The following MACF1 variants were observed in gnomAD, a reference collection of about 807,000 sequenced individuals.
MACF1 encodes microtubule-actin cross-linking factor 1.
A neutral mutation model predicts 854.8 loss-of-function variants in MACF1; 193 were observed. That is an observed-to-expected ratio of 0.23 (90% confidence interval 0.20 to 0.25). MACF1 has a LOEUF of 0.25. Ranked by LOEUF, MACF1 falls within the 10% of genes least tolerant of loss-of-function variation. The probability of loss-of-function intolerance (pLI) is 1.00; values close to 1 mark genes in which losing one functional copy is unlikely to be tolerated. For synonymous variants in MACF1, 3,185 were observed against 3,226.7 expected, an observed-to-expected ratio of 0.99 and a Z score of 0.44; for missense variants, 7,722 against 8,929.1, an observed-to-expected ratio of 0.86 and a Z score of 5.45.
intron 84 of MACF1, among the ~76,000 whole-genome samples, chr1:39,450,373 A>C (rs1016440606): frequency 4.6e-5 from 7 of 151,902 alleles, no homozygotes; most frequent in Non-Finnish European, 1.0e-4. Flanking sequence ...CACAACTGAT[A>C]CAGAGCTAGG....
At chr1:39,107,121 A>G (rs1361560292) in intron 2 of MACF1, among the ~76,000 whole-genome samples, 1 of 152,106 alleles carries the variant, frequency 6.6e-6, no homozygotes. Context: ...TGCTCTCTTC[A>G]GAGAGAGGAG....
chr1:39,268,786 G>C, intron 6 of MACF1: 4 of 1,289,752 alleles, frequency 3.1e-6, no homozygotes, highest in South Asian at 1.2e-5. Flanking sequence ...AAAAGGGTTC[G>C]GTTCAAAAGG....
intron 2 of MACF1, among the ~76,000 whole-genome samples, chr1:39,087,934 A>G (rs919991878): frequency 4.7e-5 from 7 of 150,128 alleles, no homozygotes; most frequent in African/African-American, 1.7e-4. Flanking sequence ...CACCATGCCC[A>G]GCTAATTTTT....
Position 39,347,110 on chromosome 1 carries a change from A to T in MACF1, c.10715A>T (p.Glu3572Val). ...CGACAGATGCTGAGGCTTCTGAATG[A>T]ACTGCAGAGGTCCTTCCAGGACATT... The part of the protein sequence containing the change: ...QNRQMLRLLN[E>V]LQRSFQDILE... Residue 3572 changes from glutamate to valine, a missense_variant, in exon 41 of 101, where the codon GAA becomes GTA. Glu to Val is a moderately radical substitution (Grantham distance 121). Transcript: ENST00000564288. The T allele has an allele frequency of 6.2e-7, 1 of 1,614,102 alleles. No homozygotes were observed. The highest frequency in any genetic ancestry group is 8.5e-7 in the Non-Finnish European group (1 of 1,179,952).
At chr1:39,132,433 A>G (rs958844340) in intron 2 of MACF1, among the ~76,000 whole-genome samples, 1 of 152,204 alleles carries the variant, frequency 6.6e-6, no homozygotes, top group Non-Finnish European at 1.5e-5. Flanking sequence ...TTCGGTTGGC[A>G]TTAGGCATTG....
Position 39,334,609 on chromosome 1 carries a change from A to G in MACF1, c.8021A>G (p.Lys2674Arg). The G allele has an allele frequency of 6.2e-7, 1 of 1,614,136 alleles. No homozygotes were observed. Residue 2674 changes from lysine (K) to arginine (R), a missense_variant, in exon 37 of 101, where the codon AAA becomes AGA. Transcript: ENST00000564288. ...LTLSQAIQLG[K>R]VDFASTLKVL... The stretch of plus-strand genomic sequence containing the variant: ...TTGTCTCAAGCAATTCAGCTTGGAA[A>G]AGTAGACTTTGCATCTACGCTGAAG...
At chr1:39,274,549 C>T (rs923536993) in intron 6 of MACF1, among the ~76,000 whole-genome samples, 1 of 152,166 alleles carries the variant, frequency 6.6e-6, no homozygotes, top group African/African-American at 2.4e-5. Flanking sequence ...AGGATGTACA[C>T]AGGTTGTATG....
At chr1:39,134,366 A>C (rs1643107051) in intron 2 of MACF1, among the ~76,000 whole-genome samples, 1 of 152,082 alleles carries the variant, frequency 6.6e-6, no homozygotes, top group Admixed American at 6.6e-5. Context: ...TCTTAACAAG[A>C]ATAAGTGGAA....
chr1:39,437,972 C>T lies in MACF1; in HGVS notation c.18184C>T (p.Arg6062Ter), dbSNP rs768150870. The stretch of plus-strand genomic sequence containing the variant: ...GCGCCGTGGAGAGGAGCTTATTGGA[C>T]GATCTCAGGGAGCAGACAAGGATCT... The part of the protein sequence containing the change: ...LKRRGEELIG[R>*]SQGADKDLAA... The change falls in exon 71 of 101, where the codon CGA (arginine) becomes TGA (stop). Residue 6062 changes from arginine to a stop codon, truncating the protein, a stop_gained. Coordinates refer to ENST00000564288, the MANE Select transcript of MACF1 (RefSeq NM_001394062.1). LOFTEE classifies it high-confidence loss of function. 6.2e-7 allele frequency: 1 copy of T among 1,614,044 alleles called. No individual in the cohort carries two copies. Among genetic ancestry groups the T allele is most frequent in the Non-Finnish European group, 8.5e-7 (1 of 1,180,000 alleles).
chr1:39,184,673 G>T (rs1404022415), intron 2 of MACF1, among the ~76,000 whole-genome samples: 1 of 152,078 alleles, frequency 6.6e-6, no homozygotes, highest in Non-Finnish European at 1.5e-5. Flanking sequence ...AGTAAAGTTG[G>T]TTAGGTTATT....
At chr1:39,094,234 C>T (rs1415570167) in intron 2 of MACF1, among the ~76,000 whole-genome samples, 1 of 151,916 alleles carries the variant, frequency 6.6e-6, no homozygotes, top group African/African-American at 2.4e-5. Flanking sequence ...CGCTTGAAGC[C>T]AGGAGTTCGA....
chr1:39,103,352 T>C (rs1225799234), intron 2 of MACF1: 1 of 234,572 alleles, frequency 4.3e-6, no homozygotes, highest in Non-Finnish European at 8.5e-6. Flanking sequence ...GTAATGGACA[T>C]AAGGAGGCAG....
At chr1:39,104,493 G>A (rs940685653) in intron 2 of MACF1, among the ~76,000 whole-genome samples, 1 of 152,050 alleles carries the variant, frequency 6.6e-6, no homozygotes, top group Non-Finnish European at 1.5e-5. Flanking sequence ...TTCCCTAACA[G>A]TCCTGGTTCC....
intron 2 of MACF1, among the ~76,000 whole-genome samples, chr1:39,180,335 G>A (rs1054607193): frequency 6.6e-6 from 1 of 152,070 alleles, no homozygotes; most frequent in African/African-American, 2.4e-5. Context: ...GGAGATATAG[G>A]CCAGGCATGG....
rs780421322 is a variant in MACF1, at chr1:39,331,710, A to G, written c.5122A>G (p.Ile1708Val). ...NLIDPNTAEK[I>V]GLLDLMQRCI... Reference sequence around the variant, plus strand: ...GATAGACCCTAACACAGCTGAGAAAATTGGTTTGCTGGATCTGATGCAGCG... The same window carrying G: ...GATAGACCCTAACACAGCTGAGAAAGTTGGTTTGCTGGATCTGATGCAGCG... Residue 1708 changes from isoleucine (I) to valine (V), a missense_variant, in exon 37 of 101, where the codon ATT (isoleucine) becomes GTT (valine). Physicochemically the swap from Ile to Val is conservative, Grantham distance 29. Coordinates refer to ENST00000564288, the MANE Select transcript of MACF1 (RefSeq NM_001394062.1). 6.2e-6 allele frequency: 10 copies of G among 1,614,096 alleles called. No individual in the cohort carries two copies. In the South Asian group the frequency reaches 9.9e-5, roughly 16 times the overall value.
chr1:39,441,359 C>A (rs1226824793), intron 74 of MACF1, 34 bp downstream of exon 74: 1 of 1,556,732 alleles, frequency 6.4e-7, no homozygotes, highest in Non-Finnish European at 8.8e-7. Flanking sequence ...CAAGGAAATA[C>A]AGGTTCTGTT....
intron 2 of MACF1, among the ~76,000 whole-genome samples, chr1:39,168,999 C>T (rs684581): frequency 0.12 from 18,996 of 152,174 alleles, 2,326 homozygotes; most frequent in African/African-American, 0.32. Flanking sequence ...GACAGTTGAA[C>T]TCACATTCTT....
intron 38 of MACF1, among the ~76,000 whole-genome samples, chr1:39,337,632 T>A (rs1156326496): frequency 1.4e-5 from 2 of 144,978 alleles, no homozygotes; most frequent in African/African-American, 5.1e-5. Flanking sequence ...GTAGCGGTGA[T>A]CTCGGCTCAC....
chr1:39,421,474 ATTG>A (rs1328622524), intron 58 of MACF1, among the ~76,000 whole-genome samples: 2 of 152,228 alleles, frequency 1.3e-5, no homozygotes, highest in East Asian at 3.9e-4. Context: ...TTTCAAGATT[ATTG>A]TTGTGTGTGA....
Sources: allele counts gnomAD v4.1 joint callset (sites outside exome capture counted in the v4.1 genomes callset), GRCh38; gene constraint gnomAD v4.1.1; transcripts MANE v1.5; gene names NCBI Gene and HGNC (gene_info 2026-07-23, HGNC 2026-07-21).